The following FAF1 variants were observed in gnomAD, a reference collection of about 807,000 sequenced individuals.
FAF1 encodes Fas associated factor 1.
FAF1 carries 25 observed loss-of-function variants against 92.5 expected under a neutral mutation model. The ratio of observed to expected loss-of-function variants is 0.27; its 90% CI spans 0.20 to 0.38. FAF1 has a LOEUF of 0.38. Among genes scored for constraint, FAF1 ranks in the 10% least tolerant of loss-of-function variants. The pLI is 1.00. For missense variants in FAF1, 636 were observed against 793.3 expected, an observed-to-expected ratio of 0.80 and a Z score of 2.38; for synonymous variants, 234 against 273.2, an observed-to-expected ratio of 0.86 and a Z score of 1.42.
intron 1 of FAF1, among the ~76,000 whole-genome samples, chr1:50,922,413 C>T (rs1196128846): frequency 1.5e-5 from 2 of 132,004 alleles, no homozygotes; most frequent in African/African-American, 5.6e-5. Flanking sequence ...GAACCAAGAT[C>T]GCGCCATTGC....
At chr1:50,582,466 C>T in intron 12 of FAF1, 152 bp downstream of exon 12, 1 of 598,210 alleles carries the variant, frequency 1.7e-6, no homozygotes, top group Admixed American at 2.9e-5. Flanking sequence ...TAGCATGGCC[C>T]ATGCACAATG....
intron 6 of FAF1, among the ~76,000 whole-genome samples, chr1:50,736,249 T>C (rs1659131015): frequency 6.6e-6 from 1 of 152,232 alleles, no homozygotes; most frequent in African/African-American, 2.4e-5. Flanking sequence ...ATTATCTTTT[T>C]TCTCCTTTTT....
chr1:50,479,115 C>G (rs988370742), intron 17 of FAF1, among the ~76,000 whole-genome samples: 1 of 152,176 alleles, frequency 6.6e-6, no homozygotes, highest in Non-Finnish European at 1.5e-5. Flanking sequence ...GACAGACATG[C>G]GTTCAAATCC....
intron 13 of FAF1, among the ~76,000 whole-genome samples, chr1:50,555,276 GACAC>G (rs753747887): frequency 2.2e-4 from 31 of 141,796 alleles, no homozygotes; most frequent in South Asian, 4.3e-4. Context: ...CCAGGACTCT[GACAC>G]ACACACACAC....
At chr1:50,693,503 A>C (rs934973051) in intron 7 of FAF1, among the ~76,000 whole-genome samples, 2 of 152,140 alleles carry the variant, frequency 1.3e-5, no homozygotes, top group African/African-American at 4.8e-5. Flanking sequence ...TACATTTATT[A>C]TCTCTCAATA....
chr1:50,610,628 A>G (rs958030922), intron 8 of FAF1, among the ~76,000 whole-genome samples: 1 of 152,148 alleles, frequency 6.6e-6, no homozygotes, highest in Non-Finnish European at 1.5e-5. Flanking sequence ...TGCTTATTTT[A>G]TCTCCCCACA....
chr1:50,711,395 T>C (rs1657921134), intron 6 of FAF1, among the ~76,000 whole-genome samples: 1 of 151,782 alleles, frequency 6.6e-6, no homozygotes, highest in South Asian at 2.1e-4. Flanking sequence ...CAGGAGTTCA[T>C]ACAGAATAAA....
intron 1 of FAF1, among the ~76,000 whole-genome samples, chr1:50,902,687 G>A (rs541270293): frequency 6.6e-6 from 1 of 152,188 alleles, no homozygotes; most frequent in East Asian, 1.9e-4. Flanking sequence ...AAATGGCATA[G>A]TATTTGCATA....
chr1:50,538,191 G>A (rs1324894411), intron 14 of FAF1, among the ~76,000 whole-genome samples: 1 of 145,166 alleles, frequency 6.9e-6, no homozygotes, highest in African/African-American at 2.8e-5. Context: ...ATATTTTCAA[G>A]TAAAAATAAT....
intron 8 of FAF1, 140 bp downstream of exon 8, chr1:50,655,302 A>G (rs2124294386): frequency 1.5e-6 from 1 of 685,608 alleles, no homozygotes; most frequent in Non-Finnish European, 2.6e-6. Context: ...GATTACAGGC[A>G]TGAGCCACCG....
intron 7 of FAF1, among the ~76,000 whole-genome samples, chr1:50,673,229 G>A (rs978165314): frequency 2.6e-5 from 4 of 151,724 alleles, no homozygotes; most frequent in Admixed American, 2.6e-4. Context: ...CTGCACTCCA[G>A]CCTGGGAACA....
chr1:50,454,996 T>C (rs531812865), intron 18 of FAF1, among the ~76,000 whole-genome samples: 1 of 152,344 alleles, frequency 6.6e-6, no homozygotes, highest in East Asian at 1.9e-4. Context: ...AGAGCCTCCA[T>C]GAATTCAAAG....
chr1:50,741,403 T>A (rs750836272), intron 5 of FAF1, among the ~76,000 whole-genome samples: 10 of 152,248 alleles, frequency 6.6e-5, no homozygotes, highest in Non-Finnish European at 1.3e-4. Flanking sequence ...AATGGGGTAA[T>A]ACAATAACTT....
At chr1:50,741,622 T>C (rs1210822346) in intron 5 of FAF1, among the ~76,000 whole-genome samples, 1 of 152,222 alleles carries the variant, frequency 6.6e-6, no homozygotes, top group African/African-American at 2.4e-5. Context: ...CATGGCCTCA[T>C]GGCCTGAATT....
intron 15 of FAF1, among the ~76,000 whole-genome samples, chr1:50,516,028 T>C (rs1487721419): frequency 6.6e-6 from 1 of 152,174 alleles, no homozygotes; most frequent in African/African-American, 2.4e-5. Flanking sequence ...GCACTTTACA[T>C]GTATCAACTG....
chr1:50,928,640 G>C (rs945404983), intron 1 of FAF1, among the ~76,000 whole-genome samples: 1 of 149,698 alleles, frequency 6.7e-6, no homozygotes, highest in African/African-American at 2.5e-5. Flanking sequence ...AGTATCAGCC[G>C]AGCATGATGG....
At chr1:50,728,294 T>C (rs770107596) in intron 6 of FAF1, among the ~76,000 whole-genome samples, 7 of 152,140 alleles carry the variant, frequency 4.6e-5, no homozygotes, top group Non-Finnish European at 7.4e-5. Context: ...GTATCATTAC[T>C]GGCAGGAGAA....
chr1:50,835,446 T>C (rs1055049124), intron 2 of FAF1, among the ~76,000 whole-genome samples: 3 of 151,762 alleles, frequency 2.0e-5, no homozygotes, highest in Non-Finnish European at 4.4e-5. Context: ...CTTTGCAACT[T>C]AGAACAAATC....
intron 7 of FAF1, among the ~76,000 whole-genome samples, chr1:50,674,319 C>G (rs1354788247): frequency 1.3e-5 from 2 of 151,904 alleles, no homozygotes; most frequent in Admixed American, 6.6e-5. Flanking sequence ...AAACTCTGTT[C>G]TTTTTCTGTA....
Sources: allele counts gnomAD v4.1 joint callset (sites outside exome capture counted in the v4.1 genomes callset), GRCh38; gene constraint gnomAD v4.1.1; transcripts MANE v1.5; gene names NCBI Gene and HGNC (gene_info 2026-07-23, HGNC 2026-07-21).